NEO1: variants seen among roughly 807,000 people sequenced by gnomAD.
NEO1 encodes the protein neogenin 1.
Under a neutral mutation model 159.7 loss-of-function variants are expected in NEO1, and 63 were observed. That is an observed-to-expected ratio of 0.39 (90% confidence interval 0.32 to 0.49). NEO1 has a LOEUF of 0.49. Ranked by LOEUF, NEO1 falls within the 20% of genes least tolerant of loss-of-function variation. The pLI, the probability that NEO1 is intolerant of heterozygous loss-of-function variation, is 0.85. For missense variants in NEO1, 1,615 were observed against 1,831.0 expected, an observed-to-expected ratio of 0.88 and a Z score of 2.15; for synonymous variants, 633 against 662.0, an observed-to-expected ratio of 0.96 and a Z score of 0.67.
intron 26 of NEO1, among the ~76,000 whole-genome samples, chr15:73,293,852 A>G (rs1257242506): frequency 6.6e-6 from 1 of 152,150 alleles, no homozygotes; most frequent in Non-Finnish European, 1.5e-5. Flanking sequence ...TCTTTCTTTT[A>G]ATCCTCTAGT....
At chr15:73,107,721 A>G (rs563320687) in intron 1 of NEO1, among the ~76,000 whole-genome samples, 1 of 152,310 alleles carries the variant, frequency 6.6e-6, no homozygotes, top group African/African-American at 2.4e-5. Context: ...TTTTTACATT[A>G]TATTATCATT....
chr15:73,122,827 G>C, intron 3 of NEO1, 27 bp downstream of exon 3: 1 of 1,608,924 alleles, frequency 6.2e-7, no homozygotes, highest in South Asian at 1.1e-5. Flanking sequence ...AGGACTGATG[G>C]TTTTATGTTT....
chr15:73,216,265 T>C (rs1371907458), intron 7 of NEO1, among the ~76,000 whole-genome samples: 1 of 152,210 alleles, frequency 6.6e-6, no homozygotes, highest in African/African-American at 2.4e-5. Context: ...CATGAACTCA[T>C]CATTTTTTAT....
intron 5 of NEO1, among the ~76,000 whole-genome samples, chr15:73,160,125 C>G (rs940513049): frequency 6.6e-6 from 1 of 152,000 alleles, no homozygotes; most frequent in African/African-American, 2.4e-5. Context: ...TGTCTTTTTA[C>G]TTCATGATAG....
chr15:73,178,481 C>A (rs2035407752), intron 7 of NEO1, 54 bp downstream of exon 7: 2 of 1,598,148 alleles, frequency 1.3e-6, no homozygotes, highest in Non-Finnish European at 8.5e-7. Flanking sequence ...GATGAACAAG[C>A]ACCCATCCGT....
intron 1 of NEO1, among the ~76,000 whole-genome samples, chr15:73,054,885 TA>T (rs1246740119): frequency 6.6e-6 from 1 of 152,208 alleles, no homozygotes; most frequent in African/African-American, 2.4e-5. Context: ...TCAGTAGTTT[TA>T]TTTTTTTTAT....
chr15:73,274,110 A>C, intron 20 of NEO1, 105 bp downstream of exon 20: 1 of 1,071,670 alleles, frequency 9.3e-7, no homozygotes, highest in Non-Finnish European at 1.3e-6. Flanking sequence ...ATGAAGTCTT[A>C]ATGATGAGCT....
chr15:73,274,874 C>A (rs1047651234), intron 21 of NEO1, 150 bp downstream of exon 21: 3 of 728,634 alleles, frequency 4.1e-6, no homozygotes, highest in Non-Finnish European at 2.2e-6. Flanking sequence ...AGAGTTGAGT[C>A]CATGTTCTGA....
intron 11 of NEO1, among the ~76,000 whole-genome samples, chr15:73,252,958 C>G (rs1317475438): frequency 6.6e-6 from 1 of 152,078 alleles, no homozygotes; most frequent in Non-Finnish European, 1.5e-5. Context: ...CCATTGTGCT[C>G]CAGCCTGGGC....
intron 8 of NEO1, among the ~76,000 whole-genome samples, chr15:73,240,518 C>T (rs1256178521): frequency 6.6e-6 from 1 of 152,110 alleles, no homozygotes; most frequent in Non-Finnish European, 1.5e-5. Context: ...ACGTTTGGAG[C>T]CAGATGCTGG....
intron 21 of NEO1, among the ~76,000 whole-genome samples, chr15:73,275,082 AGTT>A (rs1308579367): frequency 4.6e-5 from 7 of 152,152 alleles, no homozygotes; most frequent in Non-Finnish European, 8.8e-5. Flanking sequence ...TGTTTGCAGC[AGTT>A]GTTCATATTT....
At chr15:73,094,124 A>G (rs1023487969) in intron 1 of NEO1, among the ~76,000 whole-genome samples, 1 of 152,162 alleles carries the variant, frequency 6.6e-6, no homozygotes, top group African/African-American at 2.4e-5. Flanking sequence ...TAAAATGTGC[A>G]ACTCAGTAGC....
intron 16 of NEO1, 114 bp downstream of exon 16, chr15:73,266,525 G>A (rs533046324): frequency 2.9e-5 from 19 of 653,316 alleles, no homozygotes; most frequent in African/African-American, 9.2e-5. Context: ...TGGCAGTTTC[G>A]GGTGCTGACT....
At chr15:73,284,174 G>A (rs1220711375) in intron 23 of NEO1, among the ~76,000 whole-genome samples, 1 of 151,934 alleles carries the variant, frequency 6.6e-6, no homozygotes, top group Non-Finnish European at 1.5e-5. Flanking sequence ...AAAAAAAAAG[G>A]AGATTCCTGA....
intron 26 of NEO1, among the ~76,000 whole-genome samples, chr15:73,295,223 G>A (rs1479055941): frequency 2.0e-5 from 3 of 150,472 alleles, no homozygotes; most frequent in Non-Finnish European, 3.0e-5. Context: ...TTTCCAAGAT[G>A]GACAGTTACT....
chr15:73,076,616 T>C (rs553653552), intron 1 of NEO1, among the ~76,000 whole-genome samples: 25 of 152,300 alleles, frequency 1.6e-4, no homozygotes, highest in Non-Finnish European at 3.4e-4. Context: ...GTGCAAAGCT[T>C]AAGTAACTTC....
intron 7 of NEO1, among the ~76,000 whole-genome samples, chr15:73,223,317 T>C (rs1345153688): frequency 6.6e-6 from 1 of 152,090 alleles, no homozygotes; most frequent in Non-Finnish European, 1.5e-5. Flanking sequence ...AGGTATAGTT[T>C]AAATCTATTG....
At position 73,258,848 on chromosome 15, in the gene NEO1, T is replaced by C; in HGVS notation, c.2175T>C (p.Ser725=). ...NGTGPATDWL[S]AETFESDLDE... ...CAGGCCCGGCAACTGACTGGCTGTC[T>C]GCTGAAACTTTTGAAAGTGACCTAG... The change falls in exon 14 of 29, where the codon TCT becomes TCC. Residue 725 remains serine, a synonymous_variant. Transcript: ENST00000261908. 6.2e-7 allele frequency: 1 copy of C among 1,613,952 alleles called. No homozygotes were observed. Among genetic ancestry groups the C allele is most frequent in the South Asian group, 1.1e-5 (1 of 91,080 alleles).
chr15:73,147,979 A>G (rs1010850084), intron 5 of NEO1, among the ~76,000 whole-genome samples: 2 of 152,014 alleles, frequency 1.3e-5, no homozygotes, highest in African/African-American at 4.8e-5. Flanking sequence ...ATGCCCGGCT[A>G]ATTTTTGTAG....
Sources: allele counts gnomAD v4.1 joint callset (sites outside exome capture counted in the v4.1 genomes callset), GRCh38; gene constraint gnomAD v4.1.1; transcripts MANE v1.5; gene names NCBI Gene and HGNC (gene_info 2026-07-23, HGNC 2026-07-21).